The following ULK4 variants were observed in gnomAD, a reference collection of about 807,000 sequenced individuals.
ULK4 encodes the protein unc-51 like kinase 4.
In ULK4, 133 loss-of-function variants were observed where a neutral mutation model predicts 160.6. That is an observed-to-expected ratio of 0.83 (90% CI 0.72 to 0.96). The LOEUF is 0.96. Among genes scored for constraint, ULK4 ranks in the 40% least tolerant of loss-of-function variants. The pLI is 0.00. For missense variants in ULK4, 1,580 were observed against 1,499.5 expected, an observed-to-expected ratio of 1.05 and a Z score of -0.89; for synonymous variants, 534 against 539.8, an observed-to-expected ratio of 0.99 and a Z score of 0.15.
intron 35 of ULK4, among the ~76,000 whole-genome samples, chr3:41,355,679 G>C (rs1473991396): frequency 6.6e-6 from 1 of 152,178 alleles, no homozygotes; most frequent in Admixed American, 6.5e-5. Flanking sequence ...ACATCACTCA[G>C]AGAAAGCATA....
chr3:41,558,506 C>T (rs2087396828), intron 32 of ULK4, among the ~76,000 whole-genome samples: 1 of 151,972 alleles, frequency 6.6e-6, no homozygotes, highest in African/African-American at 2.4e-5. Flanking sequence ...GAGTTCAAGA[C>T]CAGCCTGGCC....
intron 31 of ULK4, among the ~76,000 whole-genome samples, chr3:41,574,575 T>C (rs2088122591): frequency 7.2e-6 from 1 of 139,392 alleles, no homozygotes; most frequent in Non-Finnish European, 1.5e-5. Context: ...AGAGTCTTGC[T>C]CTGCCACCCA....
intron 16 of ULK4, among the ~76,000 whole-genome samples, chr3:41,884,965 C>G (rs1481137352): frequency 1.3e-5 from 2 of 152,158 alleles, no homozygotes; most frequent in Non-Finnish European, 2.9e-5. Flanking sequence ...AAGCCATCCT[C>G]CCACCTCAAC....
At chr3:41,524,475 A>T (rs563575841) in intron 32 of ULK4, among the ~76,000 whole-genome samples, 1 of 152,288 alleles carries the variant, frequency 6.6e-6, no homozygotes, top group Admixed American at 6.5e-5. Context: ...GTTCAAAAGA[A>T]AGTAAAGAGG....
chr3:41,587,786 T>C (rs1251820179), intron 31 of ULK4, among the ~76,000 whole-genome samples: 1 of 152,190 alleles, frequency 6.6e-6, no homozygotes, highest in Non-Finnish European at 1.5e-5. Context: ...GTAAGTGTTG[T>C]TCATGTCACA....
intron 35 of ULK4, among the ~76,000 whole-genome samples, chr3:41,364,425 ATCAGT>A (rs2081211438): frequency 6.6e-6 from 1 of 152,238 alleles, no homozygotes; most frequent in South Asian, 2.1e-4. Context: ...TTATTAAGGC[ATCAGT>A]ATGTAAATAT....
chr3:41,581,843 A>G (rs562090326), intron 31 of ULK4, among the ~76,000 whole-genome samples: 3 of 152,230 alleles, frequency 2.0e-5, no homozygotes, highest in Non-Finnish European at 2.9e-5. Flanking sequence ...CAGAAGAACC[A>G]GCAGACTCGG....
rs1698186958 is a variant in ULK4 at position 41,897,111 on chromosome 3, C to T, written c.1349-108G>A. On this transcript the variant is annotated intron_variant, in intron 14 of 36. Transcript: ENST00000301831. ...TTACGACAGCTAAGATGAGGACAAA[C>T]ATTACACTGTCAAAACCAAAAATAC... 6.8e-6 allele frequency: 7 copies of T among 1,024,218 alleles called. No individual in the cohort carries two copies. The East Asian group carries it at 1.3e-4, about 19-fold the overall frequency. 63.4% of individuals were successfully genotyped at this position (1,024,218 alleles called of 1,614,324 possible). A position where few individuals can be genotyped will look rare whatever the true frequency, so the allele number is the denominator to read the frequency against.
chr3:41,305,016 G>T (rs1178446127), intron 35 of ULK4, among the ~76,000 whole-genome samples: 2 of 152,170 alleles, frequency 1.3e-5, no homozygotes, highest in Non-Finnish European at 1.5e-5. Context: ...GCACACACTG[G>T]GCCACCAAAA....
intron 16 of ULK4, among the ~76,000 whole-genome samples, chr3:41,890,709 AG>A (rs1298700566): frequency 7.0e-5 from 8 of 114,330 alleles, no homozygotes; most frequent in African/African-American, 2.8e-4. Context: ...AAGGGAAGGA[AG>A]GGACAGGAGG....
intron 32 of ULK4, among the ~76,000 whole-genome samples, chr3:41,491,817 G>A (rs1427422014): frequency 6.6e-6 from 1 of 151,626 alleles, no homozygotes; most frequent in Non-Finnish European, 1.5e-5. Flanking sequence ...TGCCATGTTG[G>A]TGTGCTGCAC....
At chr3:41,428,567 CAT>C (rs771409157) in intron 34 of ULK4, among the ~76,000 whole-genome samples, 1 of 152,132 alleles carries the variant, frequency 6.6e-6, no homozygotes, top group Non-Finnish European at 1.5e-5. Context: ...GGCACAAAAA[CAT>C]ATACATTGAG....
At chr3:41,667,648 G>A (rs1245674663) in intron 29 of ULK4, among the ~76,000 whole-genome samples, 3 of 152,172 alleles carry the variant, frequency 2.0e-5, no homozygotes, top group Non-Finnish European at 1.5e-5. Context: ...AGTGCCCTGA[G>A]GCTGGCCAGA....
At chr3:41,282,977 T>C (rs1329351346) in intron 35 of ULK4, among the ~76,000 whole-genome samples, 1 of 152,136 alleles carries the variant, frequency 6.6e-6, no homozygotes, top group African/African-American at 2.4e-5. Flanking sequence ...CATCAAAAAG[T>C]TGGCAAATGA....
At chr3:41,509,465 G>C (rs921747577) in intron 32 of ULK4, among the ~76,000 whole-genome samples, 26 of 152,098 alleles carry the variant, frequency 1.7e-4, no homozygotes, top group Admixed American at 9.8e-4. Context: ...AATATAAGAA[G>C]CTCAAAGAAC....
chr3:41,407,694 T>A (rs184914558), intron 34 of ULK4, among the ~76,000 whole-genome samples: 26 of 152,192 alleles, frequency 1.7e-4, no homozygotes, highest in Admixed American at 1.7e-3. Context: ...TTCAACAAAT[T>A]AGGAACAGAA....
chr3:41,662,873 G>A (rs1347332881), intron 30 of ULK4, among the ~76,000 whole-genome samples: 1 of 151,586 alleles, frequency 6.6e-6, no homozygotes, highest in Non-Finnish European at 1.5e-5. Flanking sequence ...ATCATATTCA[G>A]TACCTTCAAT....
intron 32 of ULK4, among the ~76,000 whole-genome samples, chr3:41,494,466 C>T (rs1040107206): frequency 6.7e-6 from 1 of 148,894 alleles, no homozygotes; most frequent in Non-Finnish European, 1.5e-5. Flanking sequence ...AAACCACAGC[C>T]AATATCATAC....
At chr3:41,900,179 G>A (rs77426320) in intron 13 of ULK4, among the ~76,000 whole-genome samples, 2 of 151,762 alleles carry the variant, frequency 1.3e-5, no homozygotes, top group East Asian at 1.9e-4. Context: ...ACTCACACTG[G>A]TTTAGAAGTA....
Sources: gnomAD v4.1 joint callset for allele counts (sites outside exome capture counted in the v4.1 genomes callset) on GRCh38, gnomAD v4.1.1 for gene constraint, MANE v1.5 for transcripts, NCBI Gene and HGNC (gene_info 2026-07-23, HGNC 2026-07-21) for gene names.